Variants in WSCD2 observed in about 807,000 individuals in gnomAD.
WSCD2 encodes WSC domain sialate O sulfotransferase 2.
Under a neutral mutation model 55.7 loss-of-function variants are expected in WSCD2, and 28 were observed. That is an observed-to-expected ratio of 0.50 (90% CI 0.37 to 0.69). The LOEUF (loss-of-function observed/expected upper bound fraction) is 0.69, where lower values mean the gene tolerates loss of function less well. Among genes scored for constraint, WSCD2 ranks in the 30% least tolerant of loss-of-function variants. The pLI is 0.00. For synonymous variants in WSCD2, 301 were observed against 301.9 expected (o/e 1.00, Z 0.03); for missense variants, 616 against 762.1 (o/e 0.81, Z 2.26).
intron 7 of WSCD2, among the ~76,000 whole-genome samples, chr12:108,235,005 GC>G (rs1469748733): frequency 1.3e-5 from 2 of 152,084 alleles, no homozygotes; most frequent in Non-Finnish European, 2.9e-5. Flanking sequence ...CCAAGTATTC[GC>G]CATCTGATCT....
In WSCD2 at chr12:108,210,317, TG is replaced by T; in HGVS notation, c.682+13del. 1.3e-6 allele frequency: 2 copies of T among 1,558,746 alleles called. No homozygotes were observed. The highest frequency in any genetic ancestry group is 1.7e-6 in the Non-Finnish European group (2 of 1,156,122). ...GTCGGCCCGCAGGTGTACGTGAGTCTGCCCTGCCCCTCTCTGCTGCTCCTCC... is the reference window on the plus strand; with the variant it reads ...GTCGGCCCGCAGGTGTACGTGAGTCTCCCTGCCCCTCTCTGCTGCTCCTCC... On this transcript the variant is annotated intron_variant, in intron 4 of 8. Coordinates refer to ENST00000547525, the MANE Select transcript of WSCD2 (RefSeq NM_014653.4). This position sits in a 1 kb window ranked among gnomAD's most constrained non-coding sequence, Gnocchi z 4.3.
chr12:108,196,601 C>T (rs1883959490), intron 2 of WSCD2, among the ~76,000 whole-genome samples: 1 of 152,160 alleles, frequency 6.6e-6, no homozygotes, highest in Admixed American at 6.5e-5. Flanking sequence ...TATATAGAAA[C>T]ATCACCACAA....
intron 1 of WSCD2, chr12:108,167,356 T>C (rs1317300882): frequency 6.6e-6 from 1 of 152,170 alleles, no homozygotes; most frequent in African/African-American, 2.4e-5. Context: ...TCATGATCAT[T>C]CTAAATCTTT....
intron 1 of WSCD2, among the ~76,000 whole-genome samples, chr12:108,172,027 G>T (rs1436717538): frequency 2.0e-5 from 3 of 152,212 alleles, no homozygotes; most frequent in Admixed American, 6.5e-5. Context: ...CTGCACCATT[G>T]TTGAGAGTTA....
chr12:108,134,174 C>T (rs1875916834), intron 1 of WSCD2, among the ~76,000 whole-genome samples: 1 of 152,146 alleles, frequency 6.6e-6, no homozygotes, highest in Non-Finnish European at 1.5e-5. Context: ...CTGTGGGGCC[C>T]CTTTTCAAGG....
chr12:108,142,779 C>A, intron 1 of WSCD2, among the ~76,000 whole-genome samples: 1 of 151,978 alleles, frequency 6.6e-6, no homozygotes, highest in East Asian at 1.9e-4. Context: ...CTCTCTTTTC[C>A]TTCCTTTCTC....
chr12:108,149,222 G>A (rs546724528), intron 1 of WSCD2, among the ~76,000 whole-genome samples: 7 of 152,318 alleles, frequency 4.6e-5, no homozygotes, highest in African/African-American at 1.2e-4. Flanking sequence ...ATGGGACTGC[G>A]GGATTGCAAC....
intron 4 of WSCD2, among the ~76,000 whole-genome samples, chr12:108,219,133 CCA>C (rs1887186672): frequency 6.6e-6 from 1 of 152,130 alleles, no homozygotes; most frequent in Non-Finnish European, 1.5e-5. Context: ...GCCAGGCAAC[CCA>C]GAGAGAGCCC....
intron 7 of WSCD2, among the ~76,000 whole-genome samples, chr12:108,233,442 C>T (rs757573092): frequency 1.3e-5 from 2 of 152,218 alleles, no homozygotes; most frequent in Non-Finnish European, 2.9e-5. Context: ...GGTGTCCCAA[C>T]ATGCATTTGT....
chr12:108,204,450 C>T (rs1266138457), intron 2 of WSCD2, among the ~76,000 whole-genome samples: 1 of 152,146 alleles, frequency 6.6e-6, no homozygotes, highest in Non-Finnish European at 1.5e-5. Flanking sequence ...GACACTCAGT[C>T]CTCTAGGGAA....
In WSCD2 at chr12:108,248,211, G is replaced by A; in HGVS notation, c.1566G>A (p.Gly522=). ...AGGATGGCAACTTCAAGCGCTCAGG[G>A]CTCCGGAAGCTCGAGTATGACCCCT... The part of the protein sequence containing the change: ...SQKDGNFKRS[G]LRKLEYDPYT... The change falls in exon 9 of 9, where the codon GGG becomes GGA. Residue 522 remains glycine (G), a synonymous_variant. Transcript: ENST00000547525. The surrounding 1 kb of genome is among the most constrained non-coding windows in gnomAD (Gnocchi z 4.3). The A allele has an allele frequency of 6.2e-7, 1 of 1,614,174 alleles. No individual in the cohort carries two copies. Among genetic ancestry groups the A allele is most frequent in the Non-Finnish European group, 8.5e-7 (1 of 1,180,034 alleles).
chr12:108,194,653 C>G (rs1883651807), intron 1 of WSCD2, among the ~76,000 whole-genome samples: 1 of 152,210 alleles, frequency 6.6e-6, no homozygotes, highest in Admixed American at 6.5e-5. Context: ...GACAAATATG[C>G]TGCTAAATAA....
rs1883772634 is a variant in WSCD2, at chr12:108,195,264, G to A, written c.-551-18G>A. On this transcript the variant is annotated intron_variant, in intron 1 of 8. Coordinates refer to ENST00000547525, the MANE Select transcript of WSCD2 (RefSeq NM_014653.4). ...TGGTGAAGGGGCTTCTCATGCCTGT[G>A]TCTCTGCTGTTTTGCAGGTGGCATC... The A allele has an allele frequency of 6.5e-6, 1 of 153,066 alleles. No homozygotes were observed. Among genetic ancestry groups the A allele is most frequent in the Admixed American group, 6.5e-5 (1 of 15,334 alleles). The allele number at this position is 153,066 out of a possible 1,614,324, so 9.5% of individuals were successfully genotyped here.
chr12:108,248,173 G>T lies in WSCD2; in HGVS notation c.1528G>T (p.Val510Leu), dbSNP rs1890220353. Residue 510 changes from valine (V) to leucine (L), a missense_variant, in exon 9 of 9, where the codon GTG (valine) becomes TTG (leucine). Transcript: ENST00000547525. This position sits in a 1 kb window ranked among gnomAD's most constrained non-coding sequence, Gnocchi z 4.3. ...TGTCAGGGAGGACCGGCTGCTCTGT[G>T]TGGAGAGCCAGAAGGATGGCAACTT... The part of the protein sequence containing the change: ...VAVREDRLLC[V>L]ESQKDGNFKR... 1 of 1,614,248 alleles carries T rather than the reference G, an allele frequency of 6.2e-7. No individual in the cohort carries two copies. The highest frequency in any genetic ancestry group is 1.3e-5 in the African/African-American group (1 of 75,076).
At chr12:108,176,028 T>C (rs965297901) in intron 1 of WSCD2, among the ~76,000 whole-genome samples, 1 of 151,902 alleles carries the variant, frequency 6.6e-6, no homozygotes, top group African/African-American at 2.4e-5. Context: ...TTTGGTAGAG[T>C]TGGGGTTTCA....
At chr12:108,137,884 A>G (rs1441136719) in intron 1 of WSCD2, among the ~76,000 whole-genome samples, 1 of 152,236 alleles carries the variant, frequency 6.6e-6, no homozygotes, top group Non-Finnish European at 1.5e-5. Flanking sequence ...GTACCTAGAC[A>G]GTGTCTGGTG....
intron 1 of WSCD2, among the ~76,000 whole-genome samples, chr12:108,168,579 G>A (rs1348113258): frequency 6.6e-6 from 1 of 152,182 alleles, no homozygotes; most frequent in Non-Finnish European, 1.5e-5. Context: ...GTCTCATTGT[G>A]TCTCAGTTTC....
At position 108,174,680 on chromosome 12, in the gene WSCD2, G is replaced by A. The variant is rs563927866; in HGVS notation, c.-551-20602G>A. 4.6e-5 allele frequency among the ~76,000 whole-genome samples: 7 copies of A among 152,320 alleles called. 1 individual carries two copies. The highest frequency in any genetic ancestry group is 1.7e-4 in the African/African-American group (7 of 41,554). ...CCCAGGCTCGAGTGCAGTGGCACAA[G>A]CATAGCTCACTGCAGCCTCAAACTT... On this transcript the variant is annotated intron_variant, in intron 1 of 8. Coordinates refer to ENST00000547525, the MANE Select transcript of WSCD2 (RefSeq NM_014653.4).
chr12:108,204,079 A>G (rs1030296503), intron 2 of WSCD2, among the ~76,000 whole-genome samples: 4 of 152,226 alleles, frequency 2.6e-5, no homozygotes, highest in Non-Finnish European at 5.9e-5. Flanking sequence ...AGTCACTATG[A>G]TCAGTTGCCT....
Sources: gnomAD v4.1 joint callset for allele counts (sites outside exome capture counted in the v4.1 genomes callset) on GRCh38, gnomAD v4.1.1 for gene constraint, Gnocchi (gnomAD v3.1) non-coding constraint, MANE v1.5 for transcripts, NCBI Gene and HGNC (gene_info 2026-07-23, HGNC 2026-07-21) for gene names.